The following CHCHD3 variants were observed in gnomAD, a reference collection of about 807,000 sequenced individuals.
CHCHD3 encodes the protein coiled-coil-helix-coiled-coil-helix domain containing 3.
A neutral mutation model predicts 38.2 loss-of-function variants in CHCHD3; 20 were observed. The observed-to-expected ratio is 0.52, with a 90% confidence interval of 0.37 to 0.76. The LOEUF is 0.76. Among genes scored for constraint, CHCHD3 ranks in the 30% least tolerant of loss-of-function variants. The pLI, the probability that CHCHD3 is intolerant of heterozygous loss-of-function variation, is 0.00. For missense variants in CHCHD3, 245 were observed against 279.2 expected (o/e 0.88, Z 0.87); for synonymous variants, 82 against 100.0 (o/e 0.82, Z 1.07).
At chr7:133,075,762 G>A (rs1024223888) in intron 1 of CHCHD3, among the ~76,000 whole-genome samples, 2 of 152,178 alleles carry the variant, frequency 1.3e-5, no homozygotes, top group Non-Finnish European at 2.9e-5. Context: ...CAGCCTCTGT[G>A]TAAGAAGTAT....
intron 2 of CHCHD3, among the ~76,000 whole-genome samples, chr7:133,062,044 C>T (rs960243437): frequency 7.2e-5 from 11 of 151,746 alleles, no homozygotes; most frequent in Admixed American, 3.9e-4. Flanking sequence ...ACCAGGGAGG[C>T]AGGAGAGGGT....
At chr7:133,015,447 T>C (rs1813004216) in intron 3 of CHCHD3, among the ~76,000 whole-genome samples, 1 of 151,878 alleles carries the variant, frequency 6.6e-6, no homozygotes, top group South Asian at 2.1e-4. Flanking sequence ...TCAAGACAGC[T>C]TGGGCCTAAG....
At chr7:132,898,012 C>A (rs1326489051) in intron 4 of CHCHD3, among the ~76,000 whole-genome samples, 4 of 151,980 alleles carry the variant, frequency 2.6e-5, no homozygotes, top group African/African-American at 9.7e-5. Context: ...TGCAGACCTT[C>A]GCGGTGAGTG....
intron 3 of CHCHD3, among the ~76,000 whole-genome samples, chr7:132,985,666 C>A (rs1486343688): frequency 1.8e-5 from 1 of 55,512 alleles, no homozygotes; most frequent in Non-Finnish European, 3.7e-5. Context: ...GCCGCCCCAT[C>A]CGGGAGGGAG....
intron 4 of CHCHD3, among the ~76,000 whole-genome samples, chr7:132,911,750 C>G (rs536945264): frequency 6.6e-6 from 1 of 152,310 alleles, no homozygotes; most frequent in South Asian, 2.1e-4. Flanking sequence ...CATAACCCTT[C>G]TTTTATCATC....
chr7:132,829,112 C>T (rs1204626518), intron 6 of CHCHD3, among the ~76,000 whole-genome samples: 1 of 152,076 alleles, frequency 6.6e-6, no homozygotes, highest in Non-Finnish European at 1.5e-5. Context: ...TTAACTGAAG[C>T]CCTTAACAAG....
intron 5 of CHCHD3, among the ~76,000 whole-genome samples, chr7:132,851,637 A>T (rs1808221560): frequency 6.6e-6 from 1 of 152,314 alleles, no homozygotes; most frequent in East Asian, 1.9e-4. Flanking sequence ...GGGTTATCAC[A>T]AGAATTTACT....
chr7:133,028,166 C>T (rs1813399133), intron 2 of CHCHD3, among the ~76,000 whole-genome samples: 1 of 152,162 alleles, frequency 6.6e-6, no homozygotes, highest in Non-Finnish European at 1.5e-5. Flanking sequence ...TTAGTATCAA[C>T]TCACAGTCAA....
intron 2 of CHCHD3, among the ~76,000 whole-genome samples, chr7:133,055,245 TTATAA>T (rs1467360765): frequency 6.8e-6 from 1 of 147,514 alleles, no homozygotes; most frequent in Non-Finnish European, 1.5e-5. Context: ...ACTTATATGT[TTATAA>T]TATACTTATA....
At chr7:132,982,070 A>C (rs965243529) in intron 3 of CHCHD3, among the ~76,000 whole-genome samples, 3 of 152,186 alleles carry the variant, frequency 2.0e-5, no homozygotes, top group Non-Finnish European at 4.4e-5. Context: ...ATCCATTTTT[A>C]AACAGAAGAG....
At chr7:132,813,606 G>A (rs1807129330) in intron 6 of CHCHD3, 1 of 152,158 alleles carries the variant, frequency 6.6e-6, no homozygotes, top group Non-Finnish European at 1.5e-5. Context: ...CACATTTATT[G>A]TTAATATATT....
At chr7:132,917,414 CTAAG>C (rs1192473046) in intron 4 of CHCHD3, among the ~76,000 whole-genome samples, 7 of 152,210 alleles carry the variant, frequency 4.6e-5, no homozygotes, top group African/African-American at 1.4e-4. Flanking sequence ...CCTCTTTTAA[CTAAG>C]TATCTGTATT....
chr7:132,894,719 A>T (rs978011125), intron 4 of CHCHD3, among the ~76,000 whole-genome samples: 2 of 152,238 alleles, frequency 1.3e-5, no homozygotes, highest in African/African-American at 4.8e-5. Flanking sequence ...TGAGGGCAAG[A>T]GTTTGTACAA....
intron 4 of CHCHD3, among the ~76,000 whole-genome samples, chr7:132,932,918 G>T (rs1166307714): frequency 2.0e-5 from 3 of 152,060 alleles, no homozygotes; most frequent in Non-Finnish European, 2.9e-5. Context: ...TCCATTTAGA[G>T]CTGGCTTTGA....
At chr7:132,864,624 T>C (rs1808572401) in intron 5 of CHCHD3, among the ~76,000 whole-genome samples, 1 of 152,154 alleles carries the variant, frequency 6.6e-6, no homozygotes, top group African/African-American at 2.4e-5. Context: ...AGTATGTCTG[T>C]ACTGTGATTT....
At chr7:132,825,142 G>A (rs2117074876) in intron 6 of CHCHD3, among the ~76,000 whole-genome samples, 1 of 152,188 alleles carries the variant, frequency 6.6e-6, no homozygotes, top group Middle Eastern at 3.4e-3. Flanking sequence ...GTATTTTCAG[G>A]GCCCATAGAA....
At chr7:132,981,774 A>T (rs1811923832) in intron 3 of CHCHD3, among the ~76,000 whole-genome samples, 1 of 152,248 alleles carries the variant, frequency 6.6e-6, no homozygotes, top group Non-Finnish European at 1.5e-5. Flanking sequence ...GAGAAAGTTG[A>T]TAAGAACTTC....
chr7:133,037,528 T>C (rs1037566982), intron 2 of CHCHD3, among the ~76,000 whole-genome samples: 14 of 152,148 alleles, frequency 9.2e-5, no homozygotes, highest in African/African-American at 2.9e-4. Context: ...AATACATACA[T>C]ATAGCCCAGC....
intron 4 of CHCHD3, among the ~76,000 whole-genome samples, chr7:132,972,106 T>G (rs900977976): frequency 6.6e-6 from 1 of 152,172 alleles, no homozygotes; most frequent in African/African-American, 2.4e-5. Flanking sequence ...ACTTTATACC[T>G]CTAAACATTA....
Sources: gnomAD v4.1 joint callset for allele counts (sites outside exome capture counted in the v4.1 genomes callset) on GRCh38, gnomAD v4.1.1 for gene constraint, MANE v1.5 for transcripts, NCBI Gene and HGNC (gene_info 2026-07-23, HGNC 2026-07-21) for gene names.